Variants in FBLN1 observed in about 807,000 individuals in gnomAD.
The protein encoded by FBLN1 is fibulin 1.
Under a neutral mutation model 89.7 loss-of-function variants are expected in FBLN1, and 34 were observed. The ratio of observed to expected loss-of-function variants is 0.38; its 90% CI spans 0.29 to 0.50. The LOEUF is 0.50. Among genes scored for constraint, FBLN1 ranks in the 20% least tolerant of loss-of-function variants. The probability of loss-of-function intolerance (pLI) is 0.92; values close to 1 mark genes in which losing one functional copy is unlikely to be tolerated. For missense variants in FBLN1, 777 were observed against 988.1 expected (o/e 0.79, Z 2.86); for synonymous variants, 393 against 391.3 (o/e 1.00, Z -0.05).
At position 45,549,501 on chromosome 22, in the gene FBLN1, C is replaced by T. The variant is rs1421566969; in HGVS notation, c.1573+757C>T. Among the ~76,000 whole-genome samples, 4 of 152,162 alleles carry T rather than the reference C, an allele frequency of 2.6e-5. No homozygotes were observed. The highest frequency in any genetic ancestry group is 7.2e-5 in the African/African-American group (3 of 41,430). ...AAGGCAGGCAGGAGCTGCGGTGTTT[C>T]CTGGGAGGCCCCCTCCGCTTGCCCT... On this transcript the variant is annotated intron_variant, in intron 13 of 16. Coordinates refer to ENST00000327858, the MANE Select transcript of FBLN1 (RefSeq NM_006486.3). This position sits in a 1 kb window ranked among gnomAD's most constrained non-coding sequence, Gnocchi z 5.7.
Position 45,581,864 on chromosome 22 carries a change from T to C in FBLN1, c.1972+4756T>C, listed in dbSNP as rs1312666123. ...AGGAAGGGAGGGCACAGCCTGCGGTTTGGGGCTGCTGGAGCATCCAGGGTG... is the reference window on the plus strand; with the variant it reads ...AGGAAGGGAGGGCACAGCCTGCGGTCTGGGGCTGCTGGAGCATCCAGGGTG... On this transcript the variant is annotated intron_variant, in intron 16 of 16. Transcript: ENST00000327858. This position sits in a 1 kb window ranked among gnomAD's most constrained non-coding sequence, Gnocchi z 7.6. 1.3e-5 allele frequency among the ~76,000 whole-genome samples: 2 copies of C among 152,042 alleles called. No homozygotes were observed. The highest frequency in any genetic ancestry group is 2.9e-5 in the Non-Finnish European group (2 of 67,990).
intron 1 of FBLN1, among the ~76,000 whole-genome samples, chr22:45,504,170 C>T (rs1215595522): frequency 6.6e-6 from 1 of 151,636 alleles, no homozygotes; most frequent in African/African-American, 2.4e-5. Flanking sequence ...GGTCGCTTGT[C>T]CCAACTAATG....
chr22:45,554,923 G>A (rs7284208), intron 14 of FBLN1, among the ~76,000 whole-genome samples: 93,648 of 148,302 alleles, frequency 0.63, 29,954 homozygotes, highest in African/African-American at 0.74. Flanking sequence ...TGTCACAGGA[G>A]GTTAGAATCT....
chr22:45,528,431 G>A (rs1440680841), intron 4 of FBLN1, among the ~76,000 whole-genome samples: 4 of 151,826 alleles, frequency 2.6e-5, no homozygotes, highest in Non-Finnish European at 5.9e-5. Context: ...GGCAACCTCC[G>A]CCTCCCGGGT....
chr22:45,598,668 C>G (rs1379503489), intron 16 of FBLN1, among the ~76,000 whole-genome samples: 2 of 152,214 alleles, frequency 1.3e-5, no homozygotes, highest in Non-Finnish European at 2.9e-5. Flanking sequence ...CTCCCACCAG[C>G]TTTGAAACCA....
Position 45,533,797 on chromosome 22 carries a change from G to A in FBLN1, c.683G>A (p.Arg228Gln), listed in dbSNP as rs775408699. The A allele has an allele frequency of 3.7e-6, 6 of 1,613,566 alleles. No individual in the cohort carries two copies. The highest frequency in any genetic ancestry group is 1.7e-5 in the Admixed American group (1 of 60,036). ...NECITGSHSCRLGESCINTVG... is the reference protein window; with the variant it reads ...NECITGSHSCQLGESCINTVG... Reference sequence around the variant, plus strand: ...TGCATCACGGGCAGCCACAGCTGCCGGCTTGGAGAATCCTGCATCAACACA... The same window carrying A: ...TGCATCACGGGCAGCCACAGCTGCCAGCTTGGAGAATCCTGCATCAACACA... Residue 228 changes from arginine to glutamine, a missense_variant, in exon 7 of 17, where the codon CGG becomes CAG. By Grantham distance (43) the Arg-to-Gln change is conservative (BLOSUM62 1). Transcript: ENST00000327858.
At chr22:45,527,273 T>C (rs1158083867) in intron 3 of FBLN1, among the ~76,000 whole-genome samples, 2 of 152,216 alleles carry the variant, frequency 1.3e-5, no homozygotes, top group Admixed American at 6.5e-5. Flanking sequence ...GAAGTAACTA[T>C]TGGGACCTGG....
At chr22:45,524,001 G>T (rs371838935) in intron 2 of FBLN1, among the ~76,000 whole-genome samples, 1 of 152,166 alleles carries the variant, frequency 6.6e-6, no homozygotes, top group Non-Finnish European at 1.5e-5. Flanking sequence ...CTGGTGGCTC[G>T]CTCTGGCAGT....
At chr22:45,565,028 C>T (rs1470335623) in intron 14 of FBLN1, 2 of 1,612,072 alleles carry the variant, frequency 1.2e-6, no homozygotes, top group Admixed American at 1.7e-5. Flanking sequence ...GTCAGCTCCA[C>T]ACCTTGCGCT....
At chr22:45,560,856 G>T (rs996121421) in intron 14 of FBLN1, among the ~76,000 whole-genome samples, 1 of 152,146 alleles carries the variant, frequency 6.6e-6, no homozygotes, top group Non-Finnish European at 1.5e-5. Flanking sequence ...GGTGTTAGGG[G>T]TGGCTCCTGA....
chr22:45,549,911 G>A lies in FBLN1; in HGVS notation c.1574-581G>A, dbSNP rs905393273. Among the ~76,000 whole-genome samples, 12 of 152,300 alleles carry A rather than the reference G, an allele frequency of 7.9e-5. No homozygotes were observed. The highest frequency in any genetic ancestry group is 2.6e-4 in the African/African-American group (11 of 41,576). ...ACCCCAACACACAGGCAAGACGTAT[G>A]ATCCCTCGAAGGCTGTTTTTCTCAT... On this transcript the variant is annotated intron_variant, in intron 13 of 16. Coordinates refer to ENST00000327858, the MANE Select transcript of FBLN1 (RefSeq NM_006486.3). This position sits in a 1 kb window ranked among gnomAD's most constrained non-coding sequence, Gnocchi z 5.7.
chr22:45,577,102 A>T lies in FBLN1; in HGVS notation c.1966A>T (p.Thr656Ser), dbSNP rs762644952. ...CATCAAGCGTTACATGGACGGCATG[A>T]CCGTGGGTGAGTGGCTGGGAATATC... ...DIIKRYMDGM[T>S]VGVVRQVRPI... Residue 656 changes from threonine (T) to serine (S), a missense_variant, in exon 16 of 17, where the codon ACC (threonine) becomes TCC (serine). By Grantham distance (58) the Thr-to-Ser change is moderately conservative. Transcript: ENST00000327858. The surrounding 1 kb of genome is among the most constrained non-coding windows in gnomAD (Gnocchi z 6.6). 12 of 1,613,994 alleles carry T rather than the reference A, an allele frequency of 7.4e-6. No individual in the cohort carries two copies. The South Asian group carries it at 1.3e-4, about 18-fold the overall frequency.
At chr22:45,505,793 C>T (rs1028326983) in intron 1 of FBLN1, among the ~76,000 whole-genome samples, 7 of 152,066 alleles carry the variant, frequency 4.6e-5, no homozygotes, top group Non-Finnish European at 7.4e-5. Flanking sequence ...ATTTTTGAGA[C>T]GGAGTTTCGC....
At chr22:45,573,982 T>C (rs921672326) in intron 14 of FBLN1, among the ~76,000 whole-genome samples, 7 of 151,690 alleles carry the variant, frequency 4.6e-5, no homozygotes, top group Non-Finnish European at 1.0e-4. Flanking sequence ...TGTAGCCTCT[T>C]CTGCCTCCCC....
intron 2 of FBLN1, among the ~76,000 whole-genome samples, chr22:45,521,180 T>G (rs554412333): frequency 6.6e-6 from 1 of 152,310 alleles, no homozygotes; most frequent in South Asian, 2.1e-4. Flanking sequence ...TTCTTAGAAA[T>G]TTCAGACATA....
chr22:45,593,156 A>ACCCCCCCCCCCCCCCCCCCCCCCCCC (rs150171236), intron 16 of FBLN1, among the ~76,000 whole-genome samples: 1 of 133,468 alleles, frequency 7.5e-6, no homozygotes. Context: ...AGGCAGAGAG[A>ACCCCCCCCCCCCCCCCCCCCCCCCCC]CCCCCCCCAC....
Position 45,502,949 on chromosome 22 carries a change from T to G in FBLN1, c.-37T>G. 2 of 1,005,950 alleles carry G rather than the reference T, an allele frequency of 2.0e-6. No homozygotes were observed. The highest frequency in any genetic ancestry group is 2.4e-6 in the Non-Finnish European group (2 of 825,006). 62.3% of individuals were successfully genotyped at this position (1,005,950 alleles called of 1,614,324 possible). A position where few individuals can be genotyped will look rare whatever the true frequency, so the allele number is the denominator to read the frequency against. ...CTGCCCCAGGACCGCGCCCGCGCCT[T>G]TGTCCGCCGCCGCCCACCGCCCGTC... is the stretch of plus-strand genomic sequence containing the variant. On this transcript the variant is annotated 5_prime_UTR_variant, in exon 1 of 17. Transcript: ENST00000327858.
Position 45,597,779 on chromosome 22 carries a change from C to G in FBLN1, c.1973-2528C>G, listed in dbSNP as rs1211873058. Among the ~76,000 whole-genome samples the G allele has an allele frequency of 6.6e-6, 1 of 152,216 alleles. No homozygotes were observed. The highest frequency in any genetic ancestry group is 1.5e-5 in the Non-Finnish European group (1 of 68,034). On this transcript the variant is annotated intron_variant, in intron 16 of 16. Transcript: ENST00000327858. The surrounding 1 kb of genome is among the most constrained non-coding windows in gnomAD (Gnocchi z 4.2). ...CAAGGGTGCTGACAGCCTGCAGAAG[C>G]CTGTGCTTATCTCTCCATCGGAGCT...
rs2147003705 is a variant in FBLN1 at position 45,556,651 on chromosome 22, A to T, written c.1697+6036A>T. 6.6e-6 allele frequency among the ~76,000 whole-genome samples: 1 copy of T among 152,248 alleles called. No homozygotes were observed. The highest frequency in any genetic ancestry group is 1.9e-4 in the East Asian group (1 of 5,178). On this transcript the variant is annotated intron_variant, in intron 14 of 16. Transcript: ENST00000327858. This position sits in a 1 kb window ranked among gnomAD's most constrained non-coding sequence, Gnocchi z 4.6. ...CATTTTGGAGTAGTAGACTGATTTC[A>T]TCTTGATAGTCTGGGTCAGCCACCC...
Sources: allele counts gnomAD v4.1 joint callset (sites outside exome capture counted in the v4.1 genomes callset), GRCh38; gene constraint gnomAD v4.1.1; non-coding constraint Gnocchi (gnomAD v3.1); transcripts MANE v1.5; gene names NCBI Gene and HGNC (gene_info 2026-07-23, HGNC 2026-07-21).